EYS: variants seen among roughly 807,000 people sequenced by gnomAD.
EYS encodes EGF-like photoreceptor maintenance factor, also known as protein eyes shut homolog.
In EYS, 250 loss-of-function variants were observed where a neutral mutation model predicts 282.1. The ratio of observed to expected loss-of-function variants is 0.89; its 90% CI spans 0.80 to 0.98. The LOEUF (loss-of-function observed/expected upper bound fraction) is 0.98. Ranked by LOEUF, EYS falls within the 50% of genes least tolerant of loss-of-function variation. The pLI is 0.00. For missense variants in EYS, 4,016 were observed against 3,709.0 expected (o/e 1.08, Z -2.15); for synonymous variants, 1,355 against 1,282.9 (o/e 1.06, Z -1.20).
chr6:64,897,610 G>A (rs1011347656), intron 18 of EYS, among the ~76,000 whole-genome samples: 12 of 152,282 alleles, frequency 7.9e-5, no homozygotes, highest in East Asian at 7.7e-4. Context: ...TGAGTTTGAC[G>A]AATTGACAAA....
chr6:64,930,781 A>T (rs1768693307), intron 15 of EYS, among the ~76,000 whole-genome samples: 1 of 152,148 alleles, frequency 6.6e-6, no homozygotes, highest in South Asian at 2.1e-4. Context: ...TGTCCATAAG[A>T]AAAGCAGGCC....
At chr6:64,090,778 C>A (rs1392360255) in intron 31 of EYS, among the ~76,000 whole-genome samples, 1 of 152,168 alleles carries the variant, frequency 6.6e-6, no homozygotes, top group Admixed American at 6.6e-5. Context: ...CATCCTTCCA[C>A]TCACCACATC....
intron 31 of EYS, among the ~76,000 whole-genome samples, chr6:64,221,332 A>G (rs1766094500): frequency 6.6e-6 from 1 of 152,112 alleles, no homozygotes; most frequent in South Asian, 2.1e-4. Context: ...TGCCAGTATC[A>G]CAGGAGGGAA....
intron 37 of EYS, among the ~76,000 whole-genome samples, chr6:63,791,446 C>T (rs558283911): frequency 9.9e-5 from 15 of 152,068 alleles, no homozygotes; most frequent in East Asian, 9.7e-4. Flanking sequence ...GGCGTGGTGG[C>T]GCATGCCTGT....
intron 26 of EYS, among the ~76,000 whole-genome samples, chr6:64,448,794 T>A (rs1775212727): frequency 2.6e-5 from 4 of 151,774 alleles, no homozygotes; most frequent in African/African-American, 9.7e-5. Flanking sequence ...CAGCTGAGGG[T>A]CCTCACTGTT....
chr6:65,471,153 A>G (rs1489962886), intron 5 of EYS, among the ~76,000 whole-genome samples: 1 of 151,348 alleles, frequency 6.6e-6, no homozygotes, highest in Non-Finnish European at 1.5e-5. Flanking sequence ...CAAACAAACA[A>G]AAACGAAAAC....
chr6:64,915,846 G>A (rs1768143983), intron 15 of EYS, among the ~76,000 whole-genome samples: 2 of 152,140 alleles, frequency 1.3e-5, no homozygotes, highest in African/African-American at 2.4e-5. Context: ...TAACAGTGAT[G>A]TATCCTAAGT....
At chr6:65,011,859 A>G (rs1427410599) in intron 13 of EYS, among the ~76,000 whole-genome samples, 1 of 152,210 alleles carries the variant, frequency 6.6e-6, no homozygotes, top group Non-Finnish European at 1.5e-5. Context: ...GGGAGGGACA[A>G]TGATCGGGAT....
At chr6:64,108,426 T>G (rs1362365261) in intron 31 of EYS, among the ~76,000 whole-genome samples, 1 of 152,048 alleles carries the variant, frequency 6.6e-6, no homozygotes, top group Non-Finnish European at 1.5e-5. Context: ...TTTTAGATTG[T>G]TCAGCTTTTT....
chr6:64,992,768 T>C (rs1483003709), intron 14 of EYS, among the ~76,000 whole-genome samples: 1 of 152,002 alleles, frequency 6.6e-6, no homozygotes, highest in African/African-American at 2.4e-5. Flanking sequence ...AGCAAATCTT[T>C]ATAGAGAAGG....
At chr6:64,238,186 A>G (rs1438446498) in intron 30 of EYS, among the ~76,000 whole-genome samples, 1 of 152,166 alleles carries the variant, frequency 6.6e-6, no homozygotes, top group Non-Finnish European at 1.5e-5. Context: ...TAGCTATTAC[A>G]CAGTCACAAA....
intron 2 of EYS, among the ~76,000 whole-genome samples, chr6:65,541,128 T>C (rs779314239): frequency 6.6e-6 from 1 of 152,204 alleles, no homozygotes; most frequent in Non-Finnish European, 1.5e-5. Flanking sequence ...CTGCAAATTT[T>C]CTCACAGCAA....
intron 12 of EYS, among the ~76,000 whole-genome samples, chr6:65,164,608 T>C (rs1450519871): frequency 3.3e-5 from 5 of 151,318 alleles, no homozygotes; most frequent in African/African-American, 1.2e-4. Flanking sequence ...ATATATACTA[T>C]TTACACTGTT....
intron 26 of EYS, among the ~76,000 whole-genome samples, chr6:64,524,919 G>C (rs915988797): frequency 7.9e-5 from 12 of 151,846 alleles, no homozygotes; most frequent in Non-Finnish European, 1.2e-4. Context: ...ACAAGCATAT[G>C]AAGAAAAACT....
intron 39 of EYS, among the ~76,000 whole-genome samples, chr6:63,783,637 T>G (rs1770291584): frequency 6.6e-6 from 1 of 152,184 alleles, no homozygotes. Flanking sequence ...CTCCAAAGAC[T>G]TCAGAAAGAG....
At chr6:65,678,107 G>A (rs1257040153) in intron 1 of EYS, among the ~76,000 whole-genome samples, 4 of 152,010 alleles carry the variant, frequency 2.6e-5, no homozygotes, top group African/African-American at 7.2e-5. Context: ...AAGGGAACGG[G>A]AGCCAGCATG....
intron 2 of EYS, among the ~76,000 whole-genome samples, chr6:65,586,038 G>A (rs192115878): frequency 1.2e-3 from 179 of 152,064 alleles, no homozygotes; most frequent in Middle Eastern, 3.4e-3. Flanking sequence ...ATGTTATGTG[G>A]CCACTCACTT....
chr6:65,503,819 C>G (rs529767394), intron 2 of EYS, among the ~76,000 whole-genome samples: 1 of 151,728 alleles, frequency 6.6e-6, no homozygotes, highest in African/African-American at 2.4e-5. Flanking sequence ...GATCTACATG[C>G]TTGTTCTTTT....
intron 41 of EYS, among the ~76,000 whole-genome samples, chr6:63,752,118 A>G (rs1384435914): frequency 1.3e-5 from 2 of 152,238 alleles, no homozygotes; most frequent in South Asian, 2.1e-4. Flanking sequence ...GAGTTTGTCA[A>G]CTATAAATCT....
Sources: allele counts gnomAD v4.1 joint callset (sites outside exome capture counted in the v4.1 genomes callset), GRCh38; gene constraint gnomAD v4.1.1; transcripts MANE v1.5; gene names NCBI Gene and HGNC (gene_info 2026-07-23, HGNC 2026-07-21).